Variants in USH2A observed in about 807,000 individuals in gnomAD.
The protein encoded by USH2A is usherin, also known as Usher syndrome 2A (autosomal recessive, mild).
In USH2A, 443 loss-of-function variants were observed where a neutral mutation model predicts 538.9. That is an observed-to-expected ratio of 0.82 (90% CI 0.76 to 0.89). The LOEUF (loss-of-function observed/expected upper bound fraction) is 0.89, where lower values mean the gene tolerates loss of function less well. Ranked by LOEUF, USH2A falls within the 40% of genes least tolerant of loss-of-function variation. The pLI is 0.00. For synonymous variants in USH2A, 2,413 were observed against 2,273.5 expected, an observed-to-expected ratio of 1.06 and a Z score of -1.75; for missense variants, 6,633 against 6,324.8, an observed-to-expected ratio of 1.05 and a Z score of -1.65.
intron 3 of USH2A, among the ~76,000 whole-genome samples, chr1:216,386,389 C>T (rs962234903): frequency 2.0e-5 from 3 of 150,578 alleles, no homozygotes; most frequent in African/African-American, 7.3e-5. Context: ...CCAAGCTACT[C>T]GGGAGGCTGA....
intron 3 of USH2A, among the ~76,000 whole-genome samples, chr1:216,384,436 G>GA (rs1440160309): frequency 6.6e-6 from 1 of 151,946 alleles, no homozygotes; most frequent in East Asian, 1.9e-4. Context: ...CATAAAATTA[G>GA]AAAAAAATGA....
At chr1:215,836,503 A>AT (rs1663512138) in intron 47 of USH2A, among the ~76,000 whole-genome samples, 1 of 20,470 alleles carries the variant, frequency 4.9e-5, no homozygotes, top group African/African-American at 2.0e-4. Context: ...TATATAATAT[A>AT]TATTATATAT....
intron 19 of USH2A, among the ~76,000 whole-genome samples, chr1:216,190,875 G>A (rs746309251): frequency 6.6e-6 from 1 of 151,954 alleles, no homozygotes; most frequent in Non-Finnish European, 1.5e-5. Flanking sequence ...TAAACATTAA[G>A]CATATTACTG....
At chr1:216,402,911 T>A (rs113903429) in intron 3 of USH2A, among the ~76,000 whole-genome samples, 3,103 of 152,240 alleles carry the variant, frequency 0.02, 106 homozygotes, top group African/African-American at 0.07. Flanking sequence ...AATTAAATAC[T>A]AAATTAAATT....
At chr1:216,211,120 A>G (rs112896528) in intron 15 of USH2A, among the ~76,000 whole-genome samples, 3,173 of 152,210 alleles carry the variant, frequency 0.021, 55 homozygotes, top group Non-Finnish European at 0.031. Context: ...CTTTCCACGT[A>G]TCTTGTCCTA....
intron 11 of USH2A, among the ~76,000 whole-genome samples, chr1:216,262,692 G>C (rs1489198721): frequency 6.6e-6 from 1 of 151,928 alleles, no homozygotes; most frequent in East Asian, 1.9e-4. Context: ...CCTAAGTCTT[G>C]GGACAGACAT....
At position 216,112,639 on chromosome 1, in the gene USH2A, G is replaced by A. The variant is rs138547791; in HGVS notation, c.4628-15426C>T. 5.2e-3 allele frequency among the ~76,000 whole-genome samples: 787 copies of A among 152,106 alleles called. 8 individuals carry two copies. The highest frequency in any genetic ancestry group is 0.018 in the African/African-American group (745 of 41,496). On this transcript the variant is annotated intron_variant, in intron 21 of 71. Coordinates refer to ENST00000307340, the MANE Select transcript of USH2A (RefSeq NM_206933.4). ...TCCCTTCACCCTCAGATAGACCCCA[G>A]TGTCTGTTGTTCCTTTGTGTTCATG...
chr1:216,313,636 G>A (rs1244277093), intron 9 of USH2A, among the ~76,000 whole-genome samples: 1 of 151,880 alleles, frequency 6.6e-6, no homozygotes, highest in Non-Finnish European at 1.5e-5. Context: ...CTTCACACCA[G>A]GCCTATTTTC....
rs1558027369 is a variant in USH2A at position 215,627,426 on chromosome 1, TTCC to T, written c.15519+1385_15519+1387del. ...CTTCCTTCCTTCCTTCCTTCCTTCC[TTCC>T]TTCCTTCCTTCCTTCCTTCCTTCCT... On this transcript the variant is annotated intron_variant, in intron 71 of 71. Transcript: ENST00000307340. Among the ~76,000 whole-genome samples the T allele has an allele frequency of 9.3e-3, 1,159 of 124,106 alleles. 53 individuals are homozygous for T. Among genetic ancestry groups the T allele is most frequent in the African/African-American group, 0.035 (1,082 of 30,736 alleles). The allele number at this position is 124,106 out of a possible 152,430, so 81.4% of individuals were successfully genotyped here.
At chr1:215,840,158 T>C (rs1248795589) in intron 46 of USH2A, among the ~76,000 whole-genome samples, 3 of 95,970 alleles carry the variant, frequency 3.1e-5, no homozygotes, top group Non-Finnish European at 3.7e-5. Context: ...AGTGAGACTC[T>C]GTCTCAAAAA....
chr1:216,140,550 A>G (rs1430203373), intron 21 of USH2A, among the ~76,000 whole-genome samples: 1 of 152,190 alleles, frequency 6.6e-6, no homozygotes, highest in East Asian at 1.9e-4. Flanking sequence ...CCTCTCTCCC[A>G]TAGAACTCCA....
At chr1:215,793,740 A>T (rs775426390) in intron 50 of USH2A, among the ~76,000 whole-genome samples, 1 of 152,196 alleles carries the variant, frequency 6.6e-6, no homozygotes, top group Non-Finnish European at 1.5e-5. Context: ...AGTCCAGGAC[A>T]TGAAAACTCA....
chr1:216,242,697 C>T (rs1042945966), intron 13 of USH2A, among the ~76,000 whole-genome samples: 2 of 152,126 alleles, frequency 1.3e-5, no homozygotes, highest in African/African-American at 4.8e-5. Context: ...ATAAACATGG[C>T]TACCCAGTTC....
chr1:215,717,470 G>T (rs1025246209), intron 61 of USH2A, among the ~76,000 whole-genome samples: 1 of 152,036 alleles, frequency 6.6e-6, no homozygotes, highest in African/African-American at 2.4e-5. Context: ...GTCTTCCTAG[G>T]TTCTTGTAAC....
At position 215,845,986 on chromosome 1, in the gene USH2A, T is replaced by C. The variant is rs373107700; in HGVS notation, c.8893A>G (p.Ser2965Gly). ...AGAGAGTCGTTTGAGGTAGCAGAAC[T>C]CCAAAAAAGTGTGTAATATTCAACT... ...GEVEYYTLFW[S>G]SATSNDSLKI... Residue 2965 changes from serine (S) to glycine (G), a missense_variant, in exon 45 of 72, where the codon AGT (serine) becomes GGT (glycine). By Grantham distance (56) the Ser-to-Gly change is moderately conservative. Coordinates refer to ENST00000307340, the MANE Select transcript of USH2A (RefSeq NM_206933.4). 14 of 1,584,306 alleles carry C rather than the reference T, an allele frequency of 8.8e-6. No homozygotes were observed. The African/African-American group carries it at 1.9e-4, about 21-fold the overall frequency.
chr1:215,716,227 C>T (rs1374603898), intron 61 of USH2A, among the ~76,000 whole-genome samples: 4 of 152,192 alleles, frequency 2.6e-5, no homozygotes, highest in African/African-American at 9.6e-5. Flanking sequence ...AGTAGAAAGC[C>T]GATTCTTTTC....
chr1:215,885,620 T>A (rs1030654265), intron 41 of USH2A, among the ~76,000 whole-genome samples: 3 of 152,224 alleles, frequency 2.0e-5, no homozygotes, highest in African/African-American at 7.2e-5. Context: ...TATTATTTCA[T>A]CTATGCTGCT....
chr1:215,909,298 A>G (rs571747415), intron 38 of USH2A, among the ~76,000 whole-genome samples: 8 of 152,046 alleles, frequency 5.3e-5, no homozygotes, highest in African/African-American at 1.9e-4. Context: ...GGAGGGCTGT[A>G]TGAATGAATA....
intron 21 of USH2A, among the ~76,000 whole-genome samples, chr1:216,146,211 T>C (rs1484049615): frequency 1.3e-5 from 2 of 152,140 alleles, no homozygotes; most frequent in Non-Finnish European, 2.9e-5. Context: ...TAAGCGGCCT[T>C]TTTTACTCTC....
Sources: gnomAD v4.1 joint callset for allele counts (sites outside exome capture counted in the v4.1 genomes callset) on GRCh38, gnomAD v4.1.1 for gene constraint, MANE v1.5 for transcripts, NCBI Gene and HGNC (gene_info 2026-07-23, HGNC 2026-07-21) for gene names.